The following ABCA1 variants were observed in gnomAD, a reference collection of about 807,000 sequenced individuals.
ABCA1 encodes the protein phospholipid-transporting ATPase ABCA1.
A neutral mutation model predicts 262.5 loss-of-function variants in ABCA1; 133 were observed. That is an observed-to-expected ratio of 0.51 (90% CI 0.44 to 0.59). The LOEUF (loss-of-function observed/expected upper bound fraction) is 0.59. Ranked by LOEUF, ABCA1 falls within the 20% of genes least tolerant of loss-of-function variation. The pLI is 0.00. For missense variants in ABCA1, 2,452 were observed against 2,777.5 expected, an observed-to-expected ratio of 0.88 and a Z score of 2.63; for synonymous variants, 1,022 against 1,043.5, an observed-to-expected ratio of 0.98 and a Z score of 0.40.
At chr9:104,787,810 T>C (rs1195556509) in intron 46 of ABCA1, 110 bp downstream of exon 46, 1 of 1,610,200 alleles carries the variant, frequency 6.2e-7, no homozygotes, top group African/African-American at 1.3e-5. Flanking sequence ...CTGCTGTCCC[T>C]GGGGGAAGAC....
chr9:104,811,561 G>GA (rs536206085), intron 28 of ABCA1, among the ~76,000 whole-genome samples: 32 of 149,776 alleles, frequency 2.1e-4, no homozygotes, highest in African/African-American at 5.9e-4. Flanking sequence ...TATCTTCTCT[G>GA]AAAAAAAAAT....
chr9:104,876,688 AG>A (rs4149343), intron 5 of ABCA1, among the ~76,000 whole-genome samples: 20,754 of 152,270 alleles, frequency 0.14, 1,571 homozygotes, highest in Middle Eastern at 0.2. Flanking sequence ...CATGATTCTC[AG>A]CAGCAACAAC....
intron 20 of ABCA1, 52 bp downstream of exon 20, chr9:104,821,323 G>GAC: frequency 6.2e-7 from 1 of 1,604,354 alleles, no homozygotes. Context: ...ATGATGGCAT[G>GAC]ACACACACAC....
intron 25 of ABCA1, among the ~76,000 whole-genome samples, chr9:104,815,189 G>A (rs1831633120): frequency 6.6e-6 from 1 of 152,096 alleles, no homozygotes; most frequent in Non-Finnish European, 1.5e-5. Context: ...AAATATGATG[G>A]CAGCAATTCA....
At chr9:104,792,126 G>T in intron 42 of ABCA1, 128 bp from the exon 43 acceptor site, 1 of 866,658 alleles carries the variant, frequency 1.2e-6, no homozygotes, top group Non-Finnish European at 1.9e-6. Flanking sequence ...CTAAGCCATA[G>T]GCATATTTGA....
chr9:104,808,354 C>T (rs1376543155), intron 30 of ABCA1, among the ~76,000 whole-genome samples: 1 of 152,106 alleles, frequency 6.6e-6, no homozygotes, highest in African/African-American at 2.4e-5. Flanking sequence ...GTTCAGCTGG[C>T]CAGTGATGAA....
chr9:104,819,451 C>T (rs529137214), intron 22 of ABCA1, 135 bp downstream of exon 22: 10 of 1,270,210 alleles, frequency 7.9e-6, no homozygotes, highest in South Asian at 4.8e-5. Context: ...GTCTCAATGC[C>T]CTTTATCTCT....
chr9:104,913,963 C>T (rs1841671335), intron 1 of ABCA1, among the ~76,000 whole-genome samples: 1 of 143,790 alleles, frequency 7.0e-6, no homozygotes, highest in Non-Finnish European at 1.5e-5. Context: ...ACACGCCCGG[C>T]TAATTTTTTG....
At chr9:104,821,349 A>G in intron 20 of ABCA1, 26 bp downstream of exon 20, 10 of 1,613,266 alleles carry the variant, frequency 6.2e-6, no homozygotes, top group Non-Finnish European at 8.5e-6. Context: ...GAAAAGGCCT[A>G]TTCTTAACGT....
intron 17 of ABCA1, 35 bp downstream of exon 17, chr9:104,825,648 T>A: frequency 6.2e-7 from 1 of 1,600,844 alleles, no homozygotes. Flanking sequence ...CAGCTAGAAG[T>A]CATATTTTCC....
At chr9:104,868,094 A>C (rs983871732) in intron 5 of ABCA1, among the ~76,000 whole-genome samples, 4 of 152,148 alleles carry the variant, frequency 2.6e-5, no homozygotes, top group African/African-American at 9.7e-5. Flanking sequence ...CCTTGGATAT[A>C]AAATGGGGCT....
chr9:104,878,485 C>T (rs951579520), intron 5 of ABCA1, among the ~76,000 whole-genome samples: 4 of 152,176 alleles, frequency 2.6e-5, no homozygotes, highest in African/African-American at 9.7e-5. Flanking sequence ...AGAAGGAGAA[C>T]TGCCTGGAGC....
In ABCA1 at chr9:104,827,081, A is replaced by C; in HGVS notation, c.2204T>G (p.Leu735Arg). ...FAVVTILQCF[L>R]ISTLFSRANL... ...GGCTCTGGAGAAGAGTGTGCTAATC[A>C]GGAAGCACTGCAGGATTGTCACCAC... The change falls in exon 16 of 50, where the codon CTG becomes CGG. Residue 735 changes from leucine to arginine, a missense_variant. Around this residue, in one of 4 missense-constraint regions of ABCA1, gnomAD observed 1,032 missense variants for 1,089.7 expected, o/e 0.95. Transcript: ENST00000374736. 1 of 1,614,176 alleles carries C rather than the reference A, an allele frequency of 6.2e-7. No homozygotes were observed. The highest frequency in any genetic ancestry group is 8.5e-7 in the Non-Finnish European group (1 of 1,180,026).
At chr9:104,882,934 G>A in intron 5 of ABCA1, 105 bp downstream of exon 5, 1 of 1,158,404 alleles carries the variant, frequency 8.6e-7, no homozygotes, top group Non-Finnish European at 1.3e-6. Flanking sequence ...AAAACCCCTT[G>A]GGGAAGATCT....
intron 26 of ABCA1, 27 bp from the exon 27 acceptor site, chr9:104,814,258 A>T: frequency 1.9e-6 from 3 of 1,609,192 alleles, no homozygotes; most frequent in Non-Finnish European, 2.6e-6. Context: ...AGAATCCCAT[A>T]CTTTATTTTA....
chr9:104,926,590 C>T (rs938119746), intron 1 of ABCA1, among the ~76,000 whole-genome samples: 5 of 152,228 alleles, frequency 3.3e-5, no homozygotes, highest in Non-Finnish European at 7.3e-5. Context: ...GTAGAGCCGG[C>T]CGATTCCTAG....
At chr9:104,808,694 A>C (rs1831007990) in intron 30 of ABCA1, among the ~76,000 whole-genome samples, 1 of 152,176 alleles carries the variant, frequency 6.6e-6, no homozygotes, top group Admixed American at 6.5e-5. Flanking sequence ...CTATCTTCCC[A>C]TTGAAACTTG....
Position 104,788,479 on chromosome 9 carries a change from G to A in ABCA1, c.6016C>T (p.His2006Tyr), listed in dbSNP as rs1453119074. ...CTCAAAAGGGCAAAGAACTCCACGTGTTCTCTCCCAGTCAACAGCTCTGTG... is the reference window on the plus strand; with the variant it reads ...CTCAAAAGGGCAAAGAACTCCACGTATTCTCTCCCAGTCAACAGCTCTGTG... ...AITELLTGRE[H>Y]VEFFALLRGV... is the part of the protein sequence containing the mutation. Residue 2006 changes from histidine to tyrosine, a missense_variant, in exon 45 of 50, where the codon CAC (histidine) becomes TAC (tyrosine). This residue lies in a region of ABCA1 where 752 missense variants were observed against 944.5 expected (regional missense o/e 0.80). Coordinates refer to ENST00000374736, the MANE Select transcript of ABCA1 (RefSeq NM_005502.4). 2 of 1,614,176 alleles carry A rather than the reference G, an allele frequency of 1.2e-6. No individual in the cohort carries two copies. The highest frequency in any genetic ancestry group is 1.1e-5 in the South Asian group (1 of 91,086).
At position 104,826,983 on chromosome 9, in the gene ABCA1, G is replaced by T. The variant is rs2118991752; in HGVS notation, c.2302C>A (p.Gln768Lys). The T allele has an allele frequency of 1.2e-6, 2 of 1,614,160 alleles. No homozygotes were observed. Among genetic ancestry groups the T allele is most frequent in the East Asian group, 2.2e-5 (1 of 44,884 alleles). The change falls in exon 16 of 50, where the codon CAG becomes AAG. Residue 768 changes from glutamine (Q) to lysine (K), a missense_variant. Gln to Lys is a moderately conservative substitution (Grantham distance 53, BLOSUM62 1). This residue lies in a region of ABCA1 where 1,032 missense variants were observed against 1,089.7 expected (regional missense o/e 0.95). Coordinates refer to ENST00000374736, the MANE Select transcript of ABCA1 (RefSeq NM_005502.4). ...YLPYVLCVAW[Q>K]DYVGFTLKIF... Reference sequence around the variant, plus strand: ...TTGAGTGTGAAGCCCACGTAGTCCTGCCATGCCACACACAGGACGTAGGGC... The same window carrying T: ...TTGAGTGTGAAGCCCACGTAGTCCTTCCATGCCACACACAGGACGTAGGGC...
Sources: gnomAD v4.1 joint callset for allele counts (sites outside exome capture counted in the v4.1 genomes callset) on GRCh38, gnomAD v4.1.1 for gene constraint, gnomAD v4.1.1 regional missense constraint, MANE v1.5 for transcripts, NCBI Gene and HGNC (gene_info 2026-07-23, HGNC 2026-07-21) for gene names.